GRM8: variants seen among roughly 807,000 people sequenced by gnomAD.
GRM8 encodes metabotropic glutamate receptor 8.
In GRM8, 47 loss-of-function variants were observed where a neutral mutation model predicts 87.2. The ratio of observed to expected loss-of-function variants is 0.54; its 90% confidence interval spans 0.43 to 0.69. GRM8 has a LOEUF of 0.69. GRM8 is among the 30% of genes least tolerant of loss of function. GRM8 has a pLI of 0.00. For synonymous variants in GRM8, 396 were observed against 404.5 expected (o/e 0.98, Z 0.25); for missense variants, 1,019 against 1,139.2 (o/e 0.89, Z 1.52).
intron 3 of GRM8, among the ~76,000 whole-genome samples, chr7:127,039,608 C>A (rs1243563766): frequency 8.3e-6 from 1 of 120,430 alleles, no homozygotes; most frequent in Non-Finnish European, 1.6e-5. Flanking sequence ...CTGGTCTGCT[C>A]TTGAGTGAGA....
At chr7:127,126,512 T>G (rs1157057621) in intron 2 of GRM8, among the ~76,000 whole-genome samples, 1 of 151,946 alleles carries the variant, frequency 6.6e-6, no homozygotes, top group African/African-American at 2.4e-5. Context: ...AAAAATTAGT[T>G]AATGGGTACA....
At chr7:126,634,372 C>A (rs1005884983) in intron 7 of GRM8, among the ~76,000 whole-genome samples, 1 of 152,126 alleles carries the variant, frequency 6.6e-6, no homozygotes, top group Non-Finnish European at 1.5e-5. Flanking sequence ...TTGTGAATTT[C>A]TCTGGGCTTT....
intron 6 of GRM8, among the ~76,000 whole-genome samples, chr7:126,829,074 T>C (rs1206910017): frequency 1.3e-5 from 2 of 152,108 alleles, no homozygotes; most frequent in Non-Finnish European, 2.9e-5. Flanking sequence ...AGATAGTTTG[T>C]TATAATTTCT....
At chr7:126,543,220 A>G (rs1186718967) in intron 8 of GRM8, among the ~76,000 whole-genome samples, 1 of 152,212 alleles carries the variant, frequency 6.6e-6, no homozygotes, top group Non-Finnish European at 1.5e-5. Flanking sequence ...TTTATTTTAA[A>G]AAGTGGGCTT....
intron 2 of GRM8, among the ~76,000 whole-genome samples, chr7:127,110,360 C>G (rs1385658413): frequency 6.6e-6 from 1 of 152,194 alleles, no homozygotes; most frequent in Non-Finnish European, 1.5e-5. Flanking sequence ...CTTCTCTAGC[C>G]ACCTGCCCTT....
intron 7 of GRM8, among the ~76,000 whole-genome samples, chr7:126,674,976 GCAAGT>G (rs1198241684): frequency 6.6e-6 from 1 of 152,170 alleles, no homozygotes; most frequent in Non-Finnish European, 1.5e-5. Flanking sequence ...GAACTTCCAG[GCAAGT>G]CACTTTGTGT....
At chr7:127,088,490 T>C (rs956369193) in intron 3 of GRM8, among the ~76,000 whole-genome samples, 1 of 152,252 alleles carries the variant, frequency 6.6e-6, no homozygotes, top group African/African-American at 2.4e-5. Context: ...ATGAATATTA[T>C]GATGCATGGT....
intron 6 of GRM8, among the ~76,000 whole-genome samples, chr7:126,826,247 G>T (rs1157320270): frequency 6.6e-6 from 1 of 152,010 alleles, no homozygotes. Context: ...GTAATGGGAT[G>T]GCTGGGTCAA....
chr7:126,504,847 A>C (rs534413933), intron 9 of GRM8, among the ~76,000 whole-genome samples: 68 of 152,190 alleles, frequency 4.5e-4, no homozygotes, highest in Admixed American at 9.2e-4. Context: ...CAAATTTTAC[A>C]ACAGTGCTCT....
intron 7 of GRM8, among the ~76,000 whole-genome samples, chr7:126,720,796 C>G (rs1418220918): frequency 6.6e-6 from 1 of 152,082 alleles, no homozygotes; most frequent in Non-Finnish European, 1.5e-5. Context: ...CTTACTTTTA[C>G]AAAACAGGAA....
chr7:126,869,249 C>G (rs1477610265), intron 6 of GRM8: 1 of 152,162 alleles, frequency 6.6e-6, no homozygotes, highest in East Asian at 1.9e-4. Context: ...CTATTTCTAC[C>G]ACATCTGCAG....
intron 6 of GRM8, among the ~76,000 whole-genome samples, chr7:126,793,319 T>C (rs1226507343): frequency 6.6e-6 from 1 of 152,216 alleles, no homozygotes; most frequent in Admixed American, 6.5e-5. Flanking sequence ...GAGAAGGTTA[T>C]GATAGAGTGG....
chr7:127,077,133 T>C (rs1458861976), intron 3 of GRM8, among the ~76,000 whole-genome samples: 1 of 152,164 alleles, frequency 6.6e-6, no homozygotes, highest in African/African-American at 2.4e-5. Flanking sequence ...TGTGCAGATG[T>C]GTCTGTGTGA....
chr7:126,522,596 C>T (rs1813155706), intron 9 of GRM8, among the ~76,000 whole-genome samples: 1 of 152,164 alleles, frequency 6.6e-6, no homozygotes, highest in African/African-American at 2.4e-5. Context: ...TATGTGGCCT[C>T]CCAGTTCTCC....
chr7:126,574,149 C>A (rs554938646), intron 8 of GRM8, among the ~76,000 whole-genome samples: 3 of 152,210 alleles, frequency 2.0e-5, no homozygotes, highest in African/African-American at 4.8e-5. Context: ...CCATCACCCA[C>A]CTACCCTGGA....
intron 3 of GRM8, among the ~76,000 whole-genome samples, chr7:127,069,249 A>G (rs1303365256): frequency 6.6e-6 from 1 of 151,996 alleles, no homozygotes; most frequent in African/African-American, 2.4e-5. Context: ...TACAACCTCC[A>G]CCCTGTGAGT....
intron 6 of GRM8, among the ~76,000 whole-genome samples, chr7:126,848,860 A>C (rs1289714701): frequency 6.6e-6 from 1 of 152,138 alleles, no homozygotes; most frequent in African/African-American, 2.4e-5. Flanking sequence ...CATACCCAAG[A>C]CTGGGCAATT....
chr7:126,837,940 G>A (rs895477603), intron 6 of GRM8, among the ~76,000 whole-genome samples: 4 of 152,140 alleles, frequency 2.6e-5, no homozygotes, highest in Non-Finnish European at 4.4e-5. Flanking sequence ...AATCAAAGAC[G>A]TGTAGTGCTT....
chr7:127,199,933 T>C (rs1031042748), intron 2 of GRM8, among the ~76,000 whole-genome samples: 10 of 152,234 alleles, frequency 6.6e-5, no homozygotes, highest in Non-Finnish European at 1.3e-4. Context: ...TGCGGATATA[T>C]GTCAAATAAC....
Sources: allele counts gnomAD v4.1 joint callset (sites outside exome capture counted in the v4.1 genomes callset), GRCh38; gene constraint gnomAD v4.1.1; transcripts MANE v1.5; gene names NCBI Gene and HGNC (gene_info 2026-07-23, HGNC 2026-07-21).